Variants in MAP7D3 observed in about 807,000 individuals in gnomAD.
MAP7D3 encodes MAP7 domain-containing protein 3.
MAP7D3 carries 45 observed loss-of-function variants against 62.2 expected under a neutral mutation model. That is an observed-to-expected ratio of 0.72 (90% CI 0.57 to 0.93). The LOEUF (loss-of-function observed/expected upper bound fraction) is 0.93, where lower values mean the gene tolerates loss of function less well. Among genes scored for constraint, MAP7D3 ranks in the 40% least tolerant of loss-of-function variants. The pLI is 0.00. For missense variants in MAP7D3, 711 were observed against 683.1 expected, an observed-to-expected ratio of 1.04 and a Z score of -0.45; for synonymous variants, 288 against 248.8, an observed-to-expected ratio of 1.16 and a Z score of -1.48.
intron 10 of MAP7D3, among the ~76,000 whole-genome samples, chrX:136,229,227 G>A (rs5974587): frequency 0.48 from 52,434 of 110,263 alleles, 9,397 homozygotes; most frequent in East Asian, 0.7. Context: ...GTATACATTT[G>A]GTTGATCATA....
chrX:136,229,435 C>T (rs1011868517), intron 10 of MAP7D3, among the ~76,000 whole-genome samples: 3 of 111,188 alleles, frequency 2.7e-5, no homozygotes, highest in Admixed American at 9.6e-5. Context: ...TGTGGAATTC[C>T]GTAAAAGAGC....
chrX:136,251,498 C>T, upstream of MAP7D3: 6 of 845,699 alleles, frequency 7.1e-6, no homozygotes, highest in Non-Finnish European at 8.6e-6. Flanking sequence ...AGGGCCACCG[C>T]GCCCGCCTCG....
chrX:136,242,633 G>C (rs1017257548), intron 4 of MAP7D3, among the ~76,000 whole-genome samples: 1 of 111,226 alleles, frequency 9.0e-6, no homozygotes. Context: ...TCATTTTGCT[G>C]CATTCTCTTC....
upstream of MAP7D3, among the ~76,000 whole-genome samples, chrX:136,253,914 A>G (rs2148428944): frequency 9.1e-6 from 1 of 109,420 alleles, no homozygotes; most frequent in East Asian, 3.0e-4. Context: ...AGGCTAAGGC[A>G]AGAGAATCGC....
intron 1 of MAP7D3, among the ~76,000 whole-genome samples, chrX:136,248,414 C>T (rs1262123039): frequency 9.0e-6 from 1 of 111,545 alleles, no homozygotes; most frequent in African/African-American, 3.3e-5. Context: ...GGGATAACAC[C>T]TTTATGTCTG....
chrX:136,240,237 CT>C (rs2074373708), intron 6 of MAP7D3, 144 bp downstream of exon 6: 2 of 391,049 alleles, frequency 5.1e-6, no homozygotes, highest in East Asian at 8.5e-5. Context: ...GTATGACTAT[CT>C]CTCTCCCTCT....
At chrX:136,250,943 C>T (rs1227345596) in intron 1 of MAP7D3, among the ~76,000 whole-genome samples, 1 of 111,433 alleles carries the variant, frequency 9.0e-6, no homozygotes, top group Non-Finnish European at 1.9e-5. Flanking sequence ...CGGGGCGGTC[C>T]GCGGGGTCCG....
Position 136,227,323 on chromosome X carries a change from T to C in MAP7D3, c.1995A>G (p.Lys665=). 8.3e-7 allele frequency: 1 copy of C among 1,208,128 alleles called. No homozygotes were observed. The highest frequency in any genetic ancestry group is 2.3e-4 in the Middle Eastern group (1 of 4,352). The change falls in exon 12 of 19, where the codon AAA becomes AAG. Residue 665 remains lysine (K), a synonymous_variant. Transcript: ENST00000316077. ...GQQQNETKKK[K]GWLDQEDQEA... ...CCTGGTCTTCCTGATCCAGCCATCC[T>C]TTCTTCTTTTTAGTCTCATTTTGTT...
intron 7 of MAP7D3, 125 bp from the exon 8 acceptor site, chrX:136,232,345 A>G: frequency 2.1e-6 from 1 of 484,196 alleles, no homozygotes; most frequent in South Asian, 3.2e-5. Flanking sequence ...CACAGGGATT[A>G]CACACAACAC....
At chrX:136,214,439 C>T (rs1414145424), downstream of MAP7D3, 1 of 112,028 alleles carries the variant, frequency 8.9e-6, no homozygotes. Flanking sequence ...CCTTGGCCAT[C>T]GCTGCTGTTT....
chrX:136,223,375 G>A (rs1315447863), intron 14 of MAP7D3, among the ~76,000 whole-genome samples: 4 of 110,827 alleles, frequency 3.6e-5, no homozygotes, highest in Non-Finnish European at 7.5e-5. Context: ...CAAAAGACAT[G>A]ACATTGGGGT....
At chrX:136,214,749 C>T (rs1431151214), downstream of MAP7D3, 1 of 112,366 alleles carries the variant, frequency 8.9e-6, no homozygotes, top group Non-Finnish European at 1.9e-5. Flanking sequence ...GCAGTGTCCA[C>T]AATGACACAG....
chrX:136,244,439 C>G (rs2074424652), intron 4 of MAP7D3, among the ~76,000 whole-genome samples, 193 bp downstream of exon 4: 1 of 111,356 alleles, frequency 9.0e-6, no homozygotes, highest in Non-Finnish European at 1.9e-5. Context: ...TAGTGGGTCT[C>G]AGCTCCTGGC....
intron 2 of MAP7D3, 37 bp downstream of exon 2, chrX:136,246,206 C>T: frequency 8.9e-7 from 1 of 1,117,853 alleles, no homozygotes; most frequent in East Asian, 3.0e-5. Context: ...AAAGATATGA[C>T]ACTTTGACAT....
chrX:136,251,332 G>C lies in MAP7D3; in HGVS notation c.27C>G (p.Gly9=). The change falls in exon 1 of 19, where the codon GGC becomes GGG. Residue 9 remains glycine (G), a synonymous_variant. Coordinates refer to ENST00000316077, the MANE Select transcript of MAP7D3 (RefSeq NM_024597.4). MMADGAAA[G]AGGSPSLREL... is the part of the protein sequence containing the mutation. ...CTCTCAAGGATGGGCTGCCGCCAGC[G>C]CCAGCTGCGGCGCCGTCCGCCATCA... 2 of 1,128,274 alleles carry C rather than the reference G, an allele frequency of 1.8e-6. No individual in the cohort carries two copies. The highest frequency in any genetic ancestry group is 1.9e-5 in the African/African-American group (1 of 53,474). 93.0% of individuals were successfully genotyped at this position (1,128,274 alleles called of 1,213,427 possible). A position where few individuals can be genotyped will look rare whatever the true frequency, so the allele number is the denominator to read the frequency against.
At chrX:136,221,654 C>T (rs2074131315) in intron 15 of MAP7D3, 2 of 112,748 alleles carry the variant, frequency 1.8e-5, no homozygotes, top group Non-Finnish European at 3.7e-5. Context: ...CTTCTATCTT[C>T]GGCTTTCCTC....
chrX:136,253,958 A>C (rs2074537179), upstream of MAP7D3, among the ~76,000 whole-genome samples: 1 of 108,675 alleles, frequency 9.2e-6, no homozygotes, highest in Non-Finnish European at 1.9e-5. Context: ...CAGTGAGCTG[A>C]GATTGCCTGC....
chrX:136,235,564 C>G (rs571158549), intron 7 of MAP7D3, among the ~76,000 whole-genome samples: 5 of 111,283 alleles, frequency 4.5e-5, no homozygotes, highest in African/African-American at 1.6e-4. Context: ...GCCTGACCAA[C>G]ATGGCAAAAC....
Position 136,236,289 on chromosome X carries a change from G to A in MAP7D3, c.691C>T (p.Leu231=), listed in dbSNP as rs2074329089. 2 of 1,197,807 alleles carry A rather than the reference G, an allele frequency of 1.7e-6. No individual in the cohort carries two copies. The highest frequency in any genetic ancestry group is 4.6e-4 in the Middle Eastern group (2 of 4,312). ...TGTTCTTTATCAGTAGACGAATGTA[G>A]GTTACTATCTCTTCTATTTAAAGAT... The part of the protein sequence containing the change: ...SSSLNRRDSN[L]HSSTDKEQAE... Residue 231 remains leucine, a synonymous_variant, in exon 7 of 19, where the codon CTA becomes TTA. Coordinates refer to ENST00000316077, the MANE Select transcript of MAP7D3 (RefSeq NM_024597.4).
Sources: allele counts gnomAD v4.1 joint callset (sites outside exome capture counted in the v4.1 genomes callset), GRCh38; gene constraint gnomAD v4.1.1; transcripts MANE v1.5; gene names NCBI Gene and HGNC (gene_info 2026-07-23, HGNC 2026-07-21).